Variants in TRERF1 observed in about 807,000 individuals in gnomAD.
TRERF1 encodes transcriptional regulating factor 1.
A neutral mutation model predicts 122.9 loss-of-function variants in TRERF1; 27 were observed. That is an observed-to-expected ratio of 0.22 (90% CI 0.16 to 0.30). TRERF1 has a LOEUF of 0.30. Among genes scored for constraint, TRERF1 ranks in the 10% least tolerant of loss-of-function variants. The pLI, the probability that TRERF1 is intolerant of heterozygous loss-of-function variation, is 1.00. For missense variants in TRERF1, 1,248 were observed against 1,560.3 expected, an observed-to-expected ratio of 0.80 and a Z score of 3.37; for synonymous variants, 636 against 641.7, an observed-to-expected ratio of 0.99 and a Z score of 0.13.
rs774436873 is a variant in TRERF1 at position 42,228,324 on chromosome 6, C to G, written c.*21G>C. Reference sequence around the variant, plus strand: ...GATGGAGGCCGTGGGTTTTCACTGTCTCTAAGTGACACACAGGGCTTTATA... The same window carrying G: ...GATGGAGGCCGTGGGTTTTCACTGTGTCTAAGTGACACACAGGGCTTTATA... On this transcript the variant is annotated 3_prime_UTR_variant, in exon 18 of 18. Transcript: ENST00000372922. This position sits in a 1 kb window ranked among gnomAD's most constrained non-coding sequence, Gnocchi z 4.2. 1.5e-5 allele frequency: 23 copies of G among 1,585,680 alleles called. No homozygotes were observed. Among genetic ancestry groups the G allele is most frequent in the Non-Finnish European group, 1.9e-5 (22 of 1,163,414 alleles).
chr6:42,441,022 C>T (rs1174500983), intron 2 of TRERF1, among the ~76,000 whole-genome samples: 1 of 152,152 alleles, frequency 6.6e-6, no homozygotes, highest in Non-Finnish European at 1.5e-5. Context: ...ATGCCTGCCG[C>T]TTTATCACAG....
chr6:42,361,922 ATTTATTCTT>A (rs759426316), intron 3 of TRERF1, among the ~76,000 whole-genome samples: 3 of 152,168 alleles, frequency 2.0e-5, no homozygotes, highest in Non-Finnish European at 4.4e-5. Flanking sequence ...CAATAAGGAT[ATTTATTCTT>A]TTGGCTCCTT....
At chr6:42,329,413 G>A (rs1764849963) in intron 3 of TRERF1, among the ~76,000 whole-genome samples, 1 of 152,078 alleles carries the variant, frequency 6.6e-6, no homozygotes, top group Admixed American at 6.5e-5. Flanking sequence ...GCTCCAGCCA[G>A]CAGCTCCCAG....
chr6:42,427,457 C>T (rs1783797886), intron 2 of TRERF1, among the ~76,000 whole-genome samples: 1 of 152,082 alleles, frequency 6.6e-6, no homozygotes, highest in Admixed American at 6.5e-5. Flanking sequence ...CACTATGTTG[C>T]CCAGGCTGGT....
chr6:42,419,389 G>A (rs186995880), intron 2 of TRERF1, among the ~76,000 whole-genome samples: 1 of 151,782 alleles, frequency 6.6e-6, no homozygotes, highest in Non-Finnish European at 1.5e-5. Context: ...TCTGAAATCA[G>A]GCAGCCTGTG....
intron 3 of TRERF1, among the ~76,000 whole-genome samples, chr6:42,353,176 A>C (rs1429835804): frequency 2.0e-5 from 3 of 152,162 alleles, no homozygotes; most frequent in Admixed American, 6.5e-5. Context: ...ATTTCAAAAA[A>C]CACAAACAAA....
At chr6:42,403,089 G>A (rs1779646531) in intron 2 of TRERF1, among the ~76,000 whole-genome samples, 1 of 152,072 alleles carries the variant, frequency 6.6e-6, no homozygotes, top group African/African-American at 2.4e-5. Context: ...GTACTGGGGT[G>A]CTCACAGAGA....
At chr6:42,293,534 T>C (rs1356051065) in intron 4 of TRERF1, among the ~76,000 whole-genome samples, 1 of 152,184 alleles carries the variant, frequency 6.6e-6, no homozygotes, top group Non-Finnish European at 1.5e-5. Flanking sequence ...TTCTATTTCA[T>C]CCATAAAAAT....
rs546168809 is a variant in TRERF1, at chr6:42,359,080, T to C, written c.-371+3917A>G. Among the ~76,000 whole-genome samples, 11 of 152,222 alleles carry C rather than the reference T, an allele frequency of 7.2e-5. No homozygotes were observed. In the South Asian group the frequency reaches 2.1e-3, roughly 29 times the overall value. On this transcript the variant is annotated intron_variant, in intron 3 of 17. Coordinates refer to ENST00000372922, the Ensembl canonical transcript of TRERF1. ...TGCTCACCCCTCCATCGTCAAAGCCTCCTCCTCCTGGTTCTGGAACAGGTG... is the reference window on the plus strand; with the variant it reads ...TGCTCACCCCTCCATCGTCAAAGCCCCCTCCTCCTGGTTCTGGAACAGGTG...
At chr6:42,406,118 T>C (rs1386228432) in intron 2 of TRERF1, among the ~76,000 whole-genome samples, 2 of 152,230 alleles carry the variant, frequency 1.3e-5, no homozygotes, top group African/African-American at 4.8e-5. Flanking sequence ...ATCCTCATTT[T>C]ACAGAGGGAG....
In TRERF1 at chr6:42,268,629, A is replaced by G. The variant is rs773501673; in HGVS notation, c.962T>C (p.Met321Thr). The stretch of plus-strand genomic sequence containing the variant: ...GGGCTGATAATACTGAGGTATCTGC[A>G]TTGAACCCTGCCGCTGCTGCAGCTG... The change falls in exon 5 of 18, where the codon ATG becomes ACG. Residue 321 changes from methionine (M) to threonine (T), a missense_variant. Physicochemically the swap from Met to Thr is moderately conservative, Grantham distance 81. Transcript: ENST00000372922. The surrounding 1 kb of genome is among the most constrained non-coding windows in gnomAD (Gnocchi z 4.4). 4.3e-5 allele frequency: 70 copies of G among 1,614,008 alleles called. No homozygotes were observed. Among genetic ancestry groups the G allele is most frequent in the Non-Finnish European group, 5.8e-5 (69 of 1,179,992 alleles).
At position 42,370,912 on chromosome 6, in the gene TRERF1, C is replaced by T. The variant is rs375595725; in HGVS notation, c.-453-7833G>A. Among the ~76,000 whole-genome samples, 15 of 152,302 alleles carry T rather than the reference C, an allele frequency of 9.8e-5. No individual in the cohort carries two copies. The East Asian group carries it at 2.5e-3, about 25-fold the overall frequency. ...AGTGTCTCCTCTGAGCCCTGGTTTT[C>T]GCTGTTTTCCTCTATGTTTTTCCCA... On this transcript the variant is annotated intron_variant, in intron 2 of 17. Transcript: ENST00000372922.
chr6:42,264,667 A>G, intron 7 of TRERF1, 37 bp downstream of exon 7: 1 of 1,605,282 alleles, frequency 6.2e-7, no homozygotes, highest in South Asian at 1.1e-5. Flanking sequence ...CAAGCAGCAC[A>G]CGACCTAGAA....
chr6:42,387,604 C>G (rs1777021794), intron 2 of TRERF1, among the ~76,000 whole-genome samples: 1 of 152,218 alleles, frequency 6.6e-6, no homozygotes. Context: ...TGCACTCGCT[C>G]TGTTCATGGG....
At chr6:42,353,424 T>C (rs921764898) in intron 3 of TRERF1, among the ~76,000 whole-genome samples, 2 of 151,844 alleles carry the variant, frequency 1.3e-5, no homozygotes, top group African/African-American at 4.8e-5. Flanking sequence ...CTCTCTTTAG[T>C]AAAATTATAA....
At chr6:42,446,405 C>T (rs73430901) in intron 2 of TRERF1, among the ~76,000 whole-genome samples, 2,505 of 152,290 alleles carry the variant, frequency 0.016, 72 homozygotes, top group South Asian at 0.09. Context: ...GCTGTCTCCC[C>T]CAACCCCCAA....
chr6:42,321,787 T>G (rs1447989386), intron 3 of TRERF1, among the ~76,000 whole-genome samples: 1 of 152,174 alleles, frequency 6.6e-6, no homozygotes, highest in Non-Finnish European at 1.5e-5. Flanking sequence ...TAAAAAAAAC[T>G]CTACCAATTT....
intron 4 of TRERF1, among the ~76,000 whole-genome samples, chr6:42,299,152 C>A (rs754548991): frequency 4.5e-5 from 6 of 134,302 alleles, no homozygotes; most frequent in South Asian, 2.2e-4. Flanking sequence ...ATATATATAT[C>A]TAGCTAGCTG....
intron 4 of TRERF1, among the ~76,000 whole-genome samples, chr6:42,280,072 G>A (rs1782023996): frequency 6.6e-6 from 1 of 152,134 alleles, no homozygotes; most frequent in Non-Finnish European, 1.5e-5. Flanking sequence ...GGGTATCCCA[G>A]GTTATGACGT....
Sources: allele counts gnomAD v4.1 joint callset (sites outside exome capture counted in the v4.1 genomes callset), GRCh38; gene constraint gnomAD v4.1.1; non-coding constraint Gnocchi (gnomAD v3.1); transcripts MANE v1.5; gene names NCBI Gene and HGNC (gene_info 2026-07-23, HGNC 2026-07-21).